The following FIGN variants were observed in gnomAD, a reference collection of about 807,000 sequenced individuals.
The protein encoded by FIGN is fidgetin, microtubule severing factor.
A neutral mutation model predicts 51.3 loss-of-function variants in FIGN; 11 were observed. That is an observed-to-expected ratio of 0.21 (90% CI 0.13 to 0.35). FIGN has a LOEUF of 0.35. Ranked by LOEUF, FIGN falls within the 10% of genes least tolerant of loss-of-function variation. The probability of loss-of-function intolerance (pLI) is 1.00; values close to 1 mark genes in which losing one functional copy is unlikely to be tolerated. For missense variants in FIGN, 857 were observed against 943.6 expected (o/e 0.91, Z 1.20); for synonymous variants, 407 against 363.2 (o/e 1.12, Z -1.37).
chr2:163,717,678 G>T (rs969087448), intron 2 of FIGN, among the ~76,000 whole-genome samples: 1 of 152,034 alleles, frequency 6.6e-6, no homozygotes, highest in Non-Finnish European at 1.5e-5. Flanking sequence ...ATTTCTATTC[G>T]CTTTGTGCCA....
At position 163,608,750 on chromosome 2, in the gene FIGN, A is replaced by G. The variant is rs1691165001; in HGVS notation, c.*802T>C. The G allele has an allele frequency of 6.6e-6, 1 of 152,622 alleles. No homozygotes were observed. The highest frequency in any genetic ancestry group is 1.5e-5 in the Non-Finnish European group (1 of 68,038). The allele number at this position is 152,622 out of a possible 1,614,324, so 9.5% of individuals were successfully genotyped here. On this transcript the variant is annotated 3_prime_UTR_variant, in exon 3 of 3. Coordinates refer to ENST00000333129, the MANE Select transcript of FIGN (RefSeq NM_018086.4). ...TAAACTGTAAATATTCAGTTGTATCACACTTCAGTATTTTTCTGGATACAT... is the reference window on the plus strand; with the variant it reads ...TAAACTGTAAATATTCAGTTGTATCGCACTTCAGTATTTTTCTGGATACAT...
At chr2:163,700,255 A>T (rs1044791804) in intron 2 of FIGN, among the ~76,000 whole-genome samples, 7 of 152,132 alleles carry the variant, frequency 4.6e-5, no homozygotes, top group Non-Finnish European at 1.0e-4. Flanking sequence ...CAGTGACATA[A>T]GGAAGGCACT....
rs1559012214 is a variant in FIGN, at chr2:163,660,705, A to ATTTTTTTTTTTTTTTT, written c.26-48900_26-48899insAAAAAAAAAAAAAAAA. On this transcript the variant is annotated intron_variant, in intron 2 of 2. Coordinates refer to ENST00000333129, the MANE Select transcript of FIGN (RefSeq NM_018086.4). ...TATATACACATATACATATATATGT[A>ATTTTTTTTTTTTTTTT]TACACATATACATATATATGTATAC... 2.5e-5 allele frequency among the ~76,000 whole-genome samples: 3 copies of ATTTTTTTTTTTTTTTT among 117,718 alleles called. 1 individual carries two copies. The East Asian group carries it at 7.1e-4, about 28-fold the overall frequency. 77.2% of individuals were successfully genotyped at this position (117,718 alleles called of 152,430 possible). A position where few individuals can be genotyped will look rare whatever the true frequency, so the allele number is the denominator to read the frequency against.
At chr2:163,713,702 C>T (rs146639937) in intron 2 of FIGN, among the ~76,000 whole-genome samples, 37 of 152,196 alleles carry the variant, frequency 2.4e-4, no homozygotes, top group African/African-American at 8.9e-4. Context: ...TACAGTGAGC[C>T]GGAGAATTTC....
chr2:163,707,663 T>A (rs1457445696), intron 2 of FIGN, among the ~76,000 whole-genome samples: 2 of 152,138 alleles, frequency 1.3e-5, no homozygotes, highest in Non-Finnish European at 2.9e-5. Flanking sequence ...GCAGGCCTTT[T>A]ATTTTACCCT....
intron 2 of FIGN, among the ~76,000 whole-genome samples, 193 bp from the exon 3 acceptor site, chr2:163,611,999 C>T (rs1691274239): frequency 6.6e-6 from 1 of 152,194 alleles, no homozygotes; most frequent in Non-Finnish European, 1.5e-5. Context: ...AACTTCAGCC[C>T]TGTTTAAAAA....
intron 2 of FIGN, among the ~76,000 whole-genome samples, chr2:163,670,900 C>G (rs1358035991): frequency 6.6e-6 from 1 of 152,142 alleles, no homozygotes; most frequent in Non-Finnish European, 1.5e-5. Flanking sequence ...TACGACAAGA[C>G]TGTTGTCTGT....
chr2:163,688,578 C>A (rs570917417), intron 2 of FIGN, among the ~76,000 whole-genome samples: 2 of 151,962 alleles, frequency 1.3e-5, no homozygotes, highest in Non-Finnish European at 2.9e-5. Context: ...GAAGATGAGA[C>A]CAGGTTATCA....
intron 2 of FIGN, among the ~76,000 whole-genome samples, chr2:163,731,568 A>G (rs1349208498): frequency 1.3e-5 from 2 of 152,152 alleles, no homozygotes; most frequent in Non-Finnish European, 2.9e-5. Context: ...AAGGAAAAAA[A>G]TATCAGCCCT....
rs1685008314 is a variant in FIGN, at chr2:163,735,926, T to C, written c.-234A>G. 6.6e-6 allele frequency: 1 copy of C among 152,628 alleles called. No homozygotes were observed. The highest frequency in any genetic ancestry group is 6.5e-5 in the Admixed American group (1 of 15,276). The allele number at this position is 152,628 out of a possible 1,614,324, so 9.5% of individuals were successfully genotyped here. A position where few individuals can be genotyped will look rare whatever the true frequency, so the allele number is the denominator to read the frequency against. On this transcript the variant is annotated 5_prime_UTR_variant, in exon 1 of 3. Transcript: ENST00000333129. ...AATGGAAGCTAGGGTTAAGTGAAGG[T>C]GCCTATGATTTGAAATCATTCCAAG...
chr2:163,727,709 C>A (rs1559034630), intron 2 of FIGN, among the ~76,000 whole-genome samples: 7 of 152,164 alleles, frequency 4.6e-5, no homozygotes, highest in African/African-American at 1.4e-4. Flanking sequence ...CCCTTCCTGG[C>A]AGAGTCATCT....
intron 2 of FIGN, among the ~76,000 whole-genome samples, chr2:163,680,478 T>C (rs1439562083): frequency 2.0e-5 from 3 of 152,170 alleles, no homozygotes; most frequent in African/African-American, 7.2e-5. Flanking sequence ...TAGCAAGTCA[T>C]GGGAGAACAG....
intron 2 of FIGN, among the ~76,000 whole-genome samples, chr2:163,684,777 T>C (rs935524436): frequency 6.6e-6 from 1 of 152,078 alleles, no homozygotes; most frequent in Non-Finnish European, 1.5e-5. Context: ...GTTTCCTTTT[T>C]TTCTTCTTCT....
At chr2:163,685,022 T>C (rs978114313) in intron 2 of FIGN, among the ~76,000 whole-genome samples, 15 of 151,034 alleles carry the variant, frequency 9.9e-5, no homozygotes, top group African/African-American at 3.7e-4. Context: ...ACTGACCTCG[T>C]GATTCACCCG....
At chr2:163,684,388 T>C (rs1413847535) in intron 2 of FIGN, among the ~76,000 whole-genome samples, 1 of 152,214 alleles carries the variant, frequency 6.6e-6, no homozygotes, top group Non-Finnish European at 1.5e-5. Flanking sequence ...CCTCTACAAA[T>C]ATTATCAAGC....
At chr2:163,693,737 C>T (rs1259890234) in intron 2 of FIGN, among the ~76,000 whole-genome samples, 1 of 152,144 alleles carries the variant, frequency 6.6e-6, no homozygotes, top group East Asian at 1.9e-4. Flanking sequence ...TACTTCATAA[C>T]TGGGAGAAAC....
chr2:163,643,298 T>C (rs1683331540), intron 2 of FIGN, among the ~76,000 whole-genome samples: 2 of 152,166 alleles, frequency 1.3e-5, no homozygotes, highest in South Asian at 2.1e-4. Context: ...TTTCAACAAA[T>C]GGTGATAGGA....
At chr2:163,713,165 AC>A (rs1684614588) in intron 2 of FIGN, among the ~76,000 whole-genome samples, 3 of 152,194 alleles carry the variant, frequency 2.0e-5, no homozygotes, top group Admixed American at 2.0e-4. Flanking sequence ...AAACTGTTAC[AC>A]CAATTTTGCA....
At chr2:163,682,421 T>G (rs1226307477) in intron 2 of FIGN, among the ~76,000 whole-genome samples, 1 of 152,210 alleles carries the variant, frequency 6.6e-6, no homozygotes, top group Non-Finnish European at 1.5e-5. Context: ...AAGCTTTGTC[T>G]ATGCTGGAGG....
Sources: gnomAD v4.1 joint callset for allele counts (sites outside exome capture counted in the v4.1 genomes callset) on GRCh38, gnomAD v4.1.1 for gene constraint, MANE v1.5 for transcripts, NCBI Gene and HGNC (gene_info 2026-07-23, HGNC 2026-07-21) for gene names.